The following PDE3A variants were observed in gnomAD, a reference collection of about 807,000 sequenced individuals.
PDE3A encodes phosphodiesterase 3A.
Under a neutral mutation model 98.3 loss-of-function variants are expected in PDE3A, and 43 were observed. That is an observed-to-expected ratio of 0.44 (90% CI 0.34 to 0.56). PDE3A has a LOEUF of 0.56. PDE3A is among the 20% of genes least tolerant of loss of function. The pLI is 0.01. For synonymous variants in PDE3A, 663 were observed against 567.9 expected, an observed-to-expected ratio of 1.17 and a Z score of -2.38; for missense variants, 1,427 against 1,440.7, an observed-to-expected ratio of 0.99 and a Z score of 0.15.
intron 1 of PDE3A, among the ~76,000 whole-genome samples, chr12:20,486,769 G>T (rs765167109): frequency 6.6e-6 from 1 of 152,180 alleles, no homozygotes; most frequent in African/African-American, 2.4e-5. Context: ...AGGTAGCTGG[G>T]ATTACAGGCA....
intron 15 of PDE3A, among the ~76,000 whole-genome samples, chr12:20,669,372 A>C (rs1321223631): frequency 6.6e-6 from 1 of 152,030 alleles, no homozygotes; most frequent in Non-Finnish European, 1.5e-5. Flanking sequence ...CTCCTCAAGA[A>C]GAGCAACTCC....
chr12:20,659,496 A>T (rs1439737130), intron 15 of PDE3A, among the ~76,000 whole-genome samples: 1 of 152,086 alleles, frequency 6.6e-6, no homozygotes, highest in East Asian at 1.9e-4. Flanking sequence ...TCCCAGAGTA[A>T]GTCATATCTA....
intron 5 of PDE3A, among the ~76,000 whole-genome samples, chr12:20,622,919 GA>G (rs1227147657): frequency 2.6e-5 from 4 of 151,978 alleles, no homozygotes; most frequent in African/African-American, 9.7e-5. Flanking sequence ...ATTGCACAAA[GA>G]AACACCATGA....
chr12:20,610,552 A>C (rs1157367493), intron 2 of PDE3A, among the ~76,000 whole-genome samples: 13 of 151,970 alleles, frequency 8.6e-5, no homozygotes, highest in Non-Finnish European at 1.5e-5. Flanking sequence ...CCACCTCATA[A>C]AGATATCTGC....
chr12:20,640,351 A>G (rs1179585364), intron 10 of PDE3A, among the ~76,000 whole-genome samples: 1 of 152,108 alleles, frequency 6.6e-6, no homozygotes, highest in Non-Finnish European at 1.5e-5. Flanking sequence ...TACTAAATTT[A>G]TTGCCCATTT....
intron 10 of PDE3A, among the ~76,000 whole-genome samples, chr12:20,640,590 A>C (rs1476224282): frequency 6.6e-6 from 1 of 152,170 alleles, no homozygotes; most frequent in Non-Finnish European, 1.5e-5. Context: ...GAAAACACAC[A>C]ATCAAGTATT....
intron 2 of PDE3A, among the ~76,000 whole-genome samples, chr12:20,572,821 A>G (rs1187084981): frequency 1.3e-5 from 2 of 152,130 alleles, no homozygotes; most frequent in African/African-American, 4.8e-5. Context: ...GGTCCTTCCA[A>G]TTCTGAAGTT....
intron 1 of PDE3A, among the ~76,000 whole-genome samples, chr12:20,446,108 C>A (rs1040594201): frequency 2.6e-5 from 4 of 152,118 alleles, no homozygotes; most frequent in African/African-American, 7.2e-5. Flanking sequence ...CCTTTCTCCC[C>A]CAACGTGCCT....
intron 1 of PDE3A, among the ~76,000 whole-genome samples, chr12:20,501,340 T>C (rs1946021810): frequency 6.6e-6 from 1 of 152,178 alleles, no homozygotes; most frequent in Non-Finnish European, 1.5e-5. Flanking sequence ...CCGTAATCCA[T>C]ATAACCTCAG....
At chr12:20,485,143 G>A (rs570657986) in intron 1 of PDE3A, among the ~76,000 whole-genome samples, 1 of 152,138 alleles carries the variant, frequency 6.6e-6, no homozygotes, top group Non-Finnish European at 1.5e-5. Context: ...AGTTCTGGAG[G>A]CTGCAAGTCG....
In PDE3A at chr12:20,657,712, G is replaced by A. The variant is rs377501313; in HGVS notation, c.3184+3507G>A. Among the ~76,000 whole-genome samples the A allele has an allele frequency of 6.2e-4, 94 of 152,200 alleles. 1 individual carries two copies. The highest frequency in any genetic ancestry group is 2.1e-3 in the African/African-American group (89 of 41,536). ...AGACCACCTGCAGGCTCTAATCTACGCAAATTTATTTGGTACAAACTTTCT... is the reference window on the plus strand; with the variant it reads ...AGACCACCTGCAGGCTCTAATCTACACAAATTTATTTGGTACAAACTTTCT... On this transcript the variant is annotated intron_variant, in intron 15 of 15. Coordinates refer to ENST00000359062, the MANE Select transcript of PDE3A (RefSeq NM_000921.5).
intron 1 of PDE3A, among the ~76,000 whole-genome samples, chr12:20,520,869 A>AGAG (rs1480548520): frequency 2.6e-5 from 4 of 152,186 alleles, no homozygotes; most frequent in Non-Finnish European, 5.9e-5. Context: ...TGTACTTGGC[A>AGAG]ACCCACTTGG....
intron 2 of PDE3A, among the ~76,000 whole-genome samples, chr12:20,562,863 A>G (rs1037980918): frequency 1.3e-5 from 2 of 152,188 alleles, no homozygotes; most frequent in African/African-American, 4.8e-5. Flanking sequence ...TCTGGTTTGT[A>G]TGATTCTAAA....
intron 10 of PDE3A, among the ~76,000 whole-genome samples, chr12:20,645,843 T>A (rs1403554591): frequency 6.6e-6 from 1 of 152,162 alleles, no homozygotes; most frequent in Non-Finnish European, 1.5e-5. Flanking sequence ...CTAAATGGCT[T>A]AGCTTCCTAC....
At chr12:20,391,531 C>G (rs1044381906) in intron 1 of PDE3A, among the ~76,000 whole-genome samples, 1 of 151,336 alleles carries the variant, frequency 6.6e-6, no homozygotes, top group Non-Finnish European at 1.5e-5. Context: ...ATCTTCAATG[C>G]TTTCACTACT....
intron 1 of PDE3A, among the ~76,000 whole-genome samples, chr12:20,435,045 TA>T (rs1422140018): frequency 1.5e-4 from 23 of 152,346 alleles, no homozygotes; most frequent in African/African-American, 5.5e-4. Context: ...CATTTGATTT[TA>T]AAATATGTAT....
chr12:20,491,666 G>A (rs759491283), intron 1 of PDE3A, among the ~76,000 whole-genome samples: 4 of 152,082 alleles, frequency 2.6e-5, no homozygotes, highest in Non-Finnish European at 4.4e-5. Flanking sequence ...ATCATACTGG[G>A]TAACAAACCT....
chr12:20,444,763 C>A (rs2120859166), intron 1 of PDE3A, among the ~76,000 whole-genome samples: 1 of 152,166 alleles, frequency 6.6e-6, no homozygotes, highest in African/African-American at 2.4e-5. Flanking sequence ...GCCTGGTGCA[C>A]TAAAACTAAA....
At chr12:20,675,312 A>G (rs376788262) in intron 15 of PDE3A, among the ~76,000 whole-genome samples, 2 of 152,268 alleles carry the variant, frequency 1.3e-5, no homozygotes, top group South Asian at 2.1e-4. Flanking sequence ...AAATGTTTTG[A>G]GACTTATTTT....
Sources: allele counts gnomAD v4.1 joint callset (sites outside exome capture counted in the v4.1 genomes callset), GRCh38; gene constraint gnomAD v4.1.1; transcripts MANE v1.5; gene names NCBI Gene and HGNC (gene_info 2026-07-23, HGNC 2026-07-21).